Variants in ZNF490 observed in about 807,000 individuals in gnomAD.
ZNF490 encodes zinc finger protein 490.
ZNF490 carries 11 observed loss-of-function variants against 17.7 expected under a neutral mutation model. The observed-to-expected ratio is 0.62, with a 90% CI of 0.39 to 1.03. ZNF490 has a LOEUF of 1.03. Among genes scored for constraint, ZNF490 ranks in the 50% least tolerant of loss-of-function variants. The pLI is 0.00. For synonymous variants in ZNF490, 222 were observed against 216.1 expected, an observed-to-expected ratio of 1.03 and a Z score of -0.24; for missense variants, 542 against 643.4, an observed-to-expected ratio of 0.84 and a Z score of 1.71.
intron 2 of ZNF490, among the ~76,000 whole-genome samples, chr19:12,607,003 T>C (rs1424925249): frequency 6.6e-6 from 1 of 152,024 alleles, no homozygotes; most frequent in Non-Finnish European, 1.5e-5. Flanking sequence ...AAAAGTTAAG[T>C]ATGGAGAGCA....
rs1375435370 is a variant in ZNF490 at position 12,580,754 on chromosome 19, T to C, written c.1321A>G (p.Thr441Ala). The C allele has an allele frequency of 1.9e-6, 3 of 1,614,096 alleles. No individual in the cohort carries two copies. Among genetic ancestry groups the C allele is most frequent in the Non-Finnish European group, 2.5e-6 (3 of 1,180,040 alleles). ...THFRIHERTH[T>A]REKPYECKQC... ...TTGCATTCATAGGGTTTCTCTCTAGTATGGGTTCTTTCATGGATTCGAAAG... is the reference window on the plus strand; with the variant it reads ...TTGCATTCATAGGGTTTCTCTCTAGCATGGGTTCTTTCATGGATTCGAAAG... The change falls in exon 5 of 5, where the codon ACT (threonine) becomes GCT (alanine). Residue 441 changes from threonine to alanine, a missense_variant. Thr to Ala is a moderately conservative substitution (Grantham distance 58). Transcript: ENST00000311437.
intron 2 of ZNF490, among the ~76,000 whole-genome samples, chr19:12,589,800 T>A (rs1177092979): frequency 5.9e-5 from 9 of 152,128 alleles, no homozygotes; most frequent in Admixed American, 5.9e-4. Context: ...ACGCTTAATG[T>A]GAAAAACTAG....
At position 12,577,635 on chromosome 19, in the gene ZNF490, C is replaced by A. The variant is rs1039056620; in HGVS notation, c.*2850G>T. The A allele has an allele frequency of 3.0e-5, 30 of 985,500 alleles. No individual in the cohort carries two copies. The highest frequency in any genetic ancestry group is 3.6e-5 in the Non-Finnish European group (30 of 829,974). The allele number at this position is 985,500 out of a possible 1,614,324, so 61.0% of individuals were successfully genotyped here. A position where few individuals can be genotyped will look rare whatever the true frequency, so the allele number is the denominator to read the frequency against. The stretch of plus-strand genomic sequence containing the variant: ...TCACTTCCACTGAGGCCTCATCTGC[C>A]AGCAAACCTTGCTCCAGTCGGCCTC... On this transcript the variant is annotated 3_prime_UTR_variant, in exon 5 of 5. Transcript: ENST00000311437.
intron 2 of ZNF490, 26 bp downstream of exon 2, chr19:12,609,132 C>A (rs530968346): frequency 1.9e-6 from 3 of 1,612,974 alleles, no homozygotes; most frequent in Middle Eastern, 1.6e-4. Flanking sequence ...AAGGTAGCCA[C>A]GCTGACAGGT....
At chr19:12,609,502 T>G (rs1485130691) in intron 1 of ZNF490, among the ~76,000 whole-genome samples, 1 of 151,888 alleles carries the variant, frequency 6.6e-6, no homozygotes, top group Non-Finnish European at 1.5e-5. Flanking sequence ...TCCTTCTGCC[T>G]CAGCCTCCGA....
Position 12,601,863 on chromosome 19 carries a change from A to G in ZNF490, c.162+7295T>C, listed in dbSNP as rs569616222. Among the ~76,000 whole-genome samples the G allele has an allele frequency of 3.5e-4, 53 of 151,552 alleles. No individual in the cohort carries two copies. In the East Asian group the frequency reaches 6.8e-3, roughly 20 times the overall value. ...AAAAAAATTAGCCGGGCTTGGTGGCAGGCTCCTGTAGTCCCAGCTACTCAG... is the reference window on the plus strand; with the variant it reads ...AAAAAAATTAGCCGGGCTTGGTGGCGGGCTCCTGTAGTCCCAGCTACTCAG... On this transcript the variant is annotated intron_variant, in intron 2 of 4. Coordinates refer to ENST00000311437, the MANE Select transcript of ZNF490 (RefSeq NM_020714.3).
At chr19:12,594,978 G>A (rs952065501) in intron 2 of ZNF490, among the ~76,000 whole-genome samples, 1 of 152,194 alleles carries the variant, frequency 6.6e-6, no homozygotes, top group Non-Finnish European at 1.5e-5. Context: ...GCTGGGCCTG[G>A]TGGCTTATTC....
chr19:12,577,679 C>CT lies in ZNF490; in HGVS notation c.*2805_*2806insA. On this transcript the variant is annotated 3_prime_UTR_variant, in exon 5 of 5. Transcript: ENST00000311437. The stretch of plus-strand genomic sequence containing the variant: ...CGGCCTCTGGACCCTAGTATCTTCA[C>CT]CGTGGTTTTGGATGCTGCCACCTGA... 1.0e-6 allele frequency: 1 copy of CT among 985,520 alleles called. No homozygotes were observed. Among genetic ancestry groups the CT allele is most frequent in the African/African-American group, 1.7e-5 (1 of 57,370 alleles). 61.0% of individuals were successfully genotyped at this position (985,520 alleles called of 1,614,324 possible). A position where few individuals can be genotyped will look rare whatever the true frequency, so the allele number is the denominator to read the frequency against.
In ZNF490 at chr19:12,579,107, G is replaced by C. The variant is rs557230839; in HGVS notation, c.*1378C>G. The C allele has an allele frequency of 8.8e-6, 2 of 226,746 alleles. No individual in the cohort carries two copies. The highest frequency in any genetic ancestry group is 1.5e-5 in the Non-Finnish European group (2 of 136,618). 14.0% of individuals were successfully genotyped at this position (226,746 alleles called of 1,614,324 possible). A position where few individuals can be genotyped will look rare whatever the true frequency, so the allele number is the denominator to read the frequency against. ...TCTCCACTAAAAATACAAAAAATGAGCCGGGCGTGGTGGCGGGCGCCTGTA... is the reference window on the plus strand; with the variant it reads ...TCTCCACTAAAAATACAAAAAATGACCCGGGCGTGGTGGCGGGCGCCTGTA... On this transcript the variant is annotated 3_prime_UTR_variant, in exon 5 of 5. Transcript: ENST00000311437.
chr19:12,605,483 T>TA lies in ZNF490; in HGVS notation c.162+3674dup, dbSNP rs34883425. Among the ~76,000 whole-genome samples, 840 of 146,868 alleles carry TA rather than the reference T, an allele frequency of 5.7e-3. 6 individuals carry two copies. Among genetic ancestry groups the TA allele is most frequent in the African/African-American group, 0.018 (715 of 40,244 alleles). On this transcript the variant is annotated intron_variant, in intron 2 of 4. Transcript: ENST00000311437. ...GAGACAGAGTGAAACCCTGCTCTAT[T>TA]AAAAAAAAAAAAAACACTTTGTAAT... is the stretch of plus-strand genomic sequence containing the variant.
intron 3 of ZNF490, 123 bp downstream of exon 3, chr19:12,583,306 TG>T: frequency 8.5e-7 from 1 of 1,180,844 alleles, no homozygotes; most frequent in Non-Finnish European, 1.2e-6. Context: ...CCCAAAGCAC[TG>T]GGATTACAGG....
chr19:12,601,118 T>G (rs985341773), intron 2 of ZNF490, among the ~76,000 whole-genome samples: 9 of 150,706 alleles, frequency 6.0e-5, no homozygotes, highest in African/African-American at 1.5e-4. Context: ...GCCAGGTGCG[T>G]TGGCTTACGC....
intron 1 of ZNF490, chr19:12,610,085 T>C: frequency 5.0e-6 from 2 of 401,482 alleles, no homozygotes; most frequent in Non-Finnish European, 9.7e-6. Flanking sequence ...AAAACGCAGT[T>C]TACTGAGCAC....
Position 12,610,761 on chromosome 19 carries a change from A to AT in ZNF490, c.-82dup. On this transcript the variant is annotated 5_prime_UTR_variant, in exon 1 of 5. Transcript: ENST00000311437. ...CCGGAACAATTTCTGCTTCAACACA[A>AT]TTGTCCACGGAGGGCACCAGTTCCG... 1 of 1,397,184 alleles carries AT rather than the reference A, an allele frequency of 7.2e-7. No homozygotes were observed. Among genetic ancestry groups the AT allele is most frequent in the Non-Finnish European group, 1.0e-6 (1 of 992,460 alleles). 86.5% of individuals were successfully genotyped at this position (1,397,184 alleles called of 1,614,324 possible).
rs2022710962 is a variant in ZNF490 at position 12,580,330 on chromosome 19, T to C, written c.*155A>G. The C allele has an allele frequency of 6.2e-6, 9 of 1,442,050 alleles. No individual in the cohort carries two copies. The highest frequency in any genetic ancestry group is 8.2e-6 in the Non-Finnish European group (9 of 1,103,230). 89.3% of individuals were successfully genotyped at this position (1,442,050 alleles called of 1,614,324 possible). ...AAGTTCCTCCCCCATTTGTTAAATA[T>C]TTCATTGCCGCATGAGTCACGTCTT... On this transcript the variant is annotated 3_prime_UTR_variant, in exon 5 of 5. Coordinates refer to ENST00000311437, the MANE Select transcript of ZNF490 (RefSeq NM_020714.3).
intron 2 of ZNF490, among the ~76,000 whole-genome samples, chr19:12,605,440 C>A (rs1007072280): frequency 7.3e-5 from 11 of 150,904 alleles, no homozygotes; most frequent in Admixed American, 6.6e-5. Flanking sequence ...ATGATCCTGC[C>A]ACTGCACTCC....
At position 12,583,811 on chromosome 19, in the gene ZNF490, A is replaced by AT. The variant is rs879747918; in HGVS notation, c.163-256dup. Reference sequence around the variant, plus strand: ...TCTCTCTATATATATATATATATATATTTTTTTTTTTTTTTTTTTGAAACA... The same window carrying AT: ...TCTCTCTATATATATATATATATATATTTTTTTTTTTTTTTTTTTTGAAACA... On this transcript the variant is annotated intron_variant, in intron 2 of 4. Transcript: ENST00000311437. Among the ~76,000 whole-genome samples the AT allele has an allele frequency of 1.4e-3, 113 of 78,642 alleles. 1 individual carries two copies. Among genetic ancestry groups the AT allele is most frequent in the African/African-American group, 2.3e-3 (45 of 19,638 alleles). The allele number at this position is 78,642 out of a possible 152,430, so 51.6% of individuals were successfully genotyped here.
chr19:12,601,131 G>A (rs1040440235), intron 2 of ZNF490, among the ~76,000 whole-genome samples: 4 of 151,872 alleles, frequency 2.6e-5, no homozygotes, highest in Non-Finnish European at 5.9e-5. Context: ...GCTTACGCCT[G>A]TAATCCCAGC....
intron 4 of ZNF490, 30 bp from the exon 5 acceptor site, chr19:12,581,754 A>C (rs1275462158): frequency 6.6e-7 from 1 of 1,521,556 alleles, no homozygotes. Context: ...TATTATTAAT[A>C]GTTTTGTATT....
Sources: allele counts gnomAD v4.1 joint callset (sites outside exome capture counted in the v4.1 genomes callset), GRCh38; gene constraint gnomAD v4.1.1; transcripts MANE v1.5; gene names NCBI Gene and HGNC (gene_info 2026-07-23, HGNC 2026-07-21).